Variants in SLC4A10 observed in about 807,000 individuals in gnomAD.
The protein encoded by SLC4A10 is solute carrier family 4 member 10.
Under a neutral mutation model 137.7 loss-of-function variants are expected in SLC4A10, and 42 were observed. The observed-to-expected ratio is 0.30, with a 90% CI of 0.24 to 0.39. SLC4A10 has a LOEUF of 0.39. Among genes scored for constraint, SLC4A10 ranks in the 10% least tolerant of loss-of-function variants. The pLI is 1.00. For missense variants in SLC4A10, 925 were observed against 1,355.0 expected (o/e 0.68, Z 4.98); for synonymous variants, 474 against 464.1 (o/e 1.02, Z -0.27).
chr2:161,776,892 T>TGTGTGTGTG, intron 2 of SLC4A10, among the ~76,000 whole-genome samples: 4 of 149,534 alleles, frequency 2.7e-5, no homozygotes, highest in African/African-American at 9.9e-5. Flanking sequence ...TGTGTGTGTG[T>TGTGTGTGTG]TTTGATAGTT....
chr2:161,781,692 T>C (rs1421604344), intron 2 of SLC4A10, among the ~76,000 whole-genome samples: 3 of 151,956 alleles, frequency 2.0e-5, no homozygotes, highest in African/African-American at 7.2e-5. Flanking sequence ...AGAAGACTGA[T>C]GTCACCAAAG....
chr2:161,738,155 T>C (rs188316803), intron 1 of SLC4A10, among the ~76,000 whole-genome samples: 28 of 152,282 alleles, frequency 1.8e-4, no homozygotes, highest in African/African-American at 5.5e-4. Context: ...AGAGAACTTA[T>C]TTATGATCCC....
In SLC4A10 at chr2:161,687,960, G is replaced by A. The variant is rs538023363; in HGVS notation, c.48+63394G>A. Among the ~76,000 whole-genome samples the A allele has an allele frequency of 1.8e-3, 271 of 152,104 alleles. 1 individual carries two copies. The highest frequency in any genetic ancestry group is 6.2e-3 in the African/African-American group (259 of 41,458). ...ATCCAGTCTTGGGTATATCTTCATA[G>A]CAATGTAAGAATGGACTAATACAAA... is the stretch of plus-strand genomic sequence containing the variant. On this transcript the variant is annotated intron_variant, in intron 1 of 26. Coordinates refer to ENST00000446997, the MANE Select transcript of SLC4A10 (RefSeq NM_001178015.2).
At chr2:161,671,204 G>T (rs1017361302) in intron 1 of SLC4A10, among the ~76,000 whole-genome samples, 3 of 152,036 alleles carry the variant, frequency 2.0e-5, no homozygotes, top group African/African-American at 4.8e-5. Context: ...GACTTGAGAG[G>T]TTCTCTCCCT....
At chr2:161,697,118 T>C (rs7575038) in intron 1 of SLC4A10, among the ~76,000 whole-genome samples, 139,622 of 152,224 alleles carry the variant, frequency 0.92, 64,116 homozygotes, top group East Asian at 1. Flanking sequence ...TGAGAAGTGT[T>C]TGTTCATATC....
At chr2:161,981,239 C>T (rs892268439) in intron 26 of SLC4A10, among the ~76,000 whole-genome samples, 20 of 152,226 alleles carry the variant, frequency 1.3e-4, no homozygotes, top group African/African-American at 3.4e-4. Flanking sequence ...ACACCTCCCA[C>T]GTTTCAAAGT....
At chr2:161,904,348 G>A (rs1683829581) in intron 13 of SLC4A10, among the ~76,000 whole-genome samples, 170 bp downstream of exon 13, 1 of 152,094 alleles carries the variant, frequency 6.6e-6, no homozygotes, top group South Asian at 2.1e-4. Context: ...CTGGTAATCT[G>A]GGAGTGGAAT....
intron 15 of SLC4A10, among the ~76,000 whole-genome samples, chr2:161,928,471 A>G (rs1275853935): frequency 3.3e-5 from 5 of 151,156 alleles, no homozygotes; most frequent in African/African-American, 1.2e-4. Flanking sequence ...ATGTATACAT[A>G]TGTAACTAAC....
At chr2:161,637,579 G>T (rs2034642754) in intron 1 of SLC4A10, among the ~76,000 whole-genome samples, 1 of 152,114 alleles carries the variant, frequency 6.6e-6, no homozygotes, top group African/African-American at 2.4e-5. Context: ...ACTGTGAATA[G>T]TGTTGGTGTA....
intron 1 of SLC4A10, among the ~76,000 whole-genome samples, chr2:161,665,505 A>T (rs781200001): frequency 1.3e-5 from 2 of 151,586 alleles, no homozygotes; most frequent in African/African-American, 4.8e-5. Context: ...AAAAAACAAG[A>T]TAGGTGAAGT....
At chr2:161,904,535 T>A (rs1683889294) in intron 13 of SLC4A10, among the ~76,000 whole-genome samples, 1 of 152,188 alleles carries the variant, frequency 6.6e-6, no homozygotes, top group Non-Finnish European at 1.5e-5. Context: ...TTAAACCTTT[T>A]GTAAGGCAAC....
At chr2:161,708,418 C>A (rs955099681) in intron 1 of SLC4A10, among the ~76,000 whole-genome samples, 3 of 151,466 alleles carry the variant, frequency 2.0e-5, no homozygotes, top group Non-Finnish European at 4.4e-5. Context: ...TGAAAAAATT[C>A]AACTCTCCTT....
intron 17 of SLC4A10, among the ~76,000 whole-genome samples, 155 bp downstream of exon 17, chr2:161,947,882 G>C (rs541819387): frequency 6.6e-6 from 1 of 152,160 alleles, no homozygotes; most frequent in Non-Finnish European, 1.5e-5. Context: ...AAGAATTTGT[G>C]ATGCAGGTGC....
chr2:161,851,424 T>C (rs1433010860), intron 4 of SLC4A10, among the ~76,000 whole-genome samples: 3 of 152,238 alleles, frequency 2.0e-5, no homozygotes, highest in Non-Finnish European at 2.9e-5. Context: ...TTTAGGATAG[T>C]TAAGTCTTCT....
At chr2:161,778,394 T>A (rs1383791899) in intron 2 of SLC4A10, among the ~76,000 whole-genome samples, 1 of 151,990 alleles carries the variant, frequency 6.6e-6, no homozygotes, top group Non-Finnish European at 1.5e-5. Flanking sequence ...ATGTCTTTGT[T>A]ATTGATTATA....
chr2:161,692,989 G>T (rs1362861332), intron 1 of SLC4A10, among the ~76,000 whole-genome samples: 1 of 151,800 alleles, frequency 6.6e-6, no homozygotes, highest in Non-Finnish European at 1.5e-5. Flanking sequence ...TTTTCAGGTT[G>T]CTTAAATTGA....
In SLC4A10 at chr2:161,983,353, C is replaced by T; in HGVS notation, c.*201C>T. 1 of 948,676 alleles carries T rather than the reference C, an allele frequency of 1.1e-6. No individual in the cohort carries two copies. Among genetic ancestry groups the T allele is most frequent in the Non-Finnish European group, 1.6e-6 (1 of 634,930 alleles). The allele number at this position is 948,676 out of a possible 1,614,324, so 58.8% of individuals were successfully genotyped here. On this transcript the variant is annotated 3_prime_UTR_variant, in exon 27 of 27. Transcript: ENST00000446997. ...ATTCTGTCCCTCAACCCAAATCCAC[C>T]TTCATACTGTAAGTAGTGCAATACT...
intron 1 of SLC4A10, among the ~76,000 whole-genome samples, chr2:161,729,901 C>T (rs1016562877): frequency 2.0e-5 from 3 of 152,094 alleles, no homozygotes; most frequent in Admixed American, 6.6e-5. Context: ...CACTGGTCCT[C>T]TTTTATTTGT....
intron 4 of SLC4A10, among the ~76,000 whole-genome samples, chr2:161,853,595 T>C (rs1422425754): frequency 1.3e-5 from 2 of 152,214 alleles, no homozygotes; most frequent in Non-Finnish European, 2.9e-5. Flanking sequence ...CTATGAGGTA[T>C]TATGGCCCTG....
Sources: allele counts gnomAD v4.1 joint callset (sites outside exome capture counted in the v4.1 genomes callset), GRCh38; gene constraint gnomAD v4.1.1; transcripts MANE v1.5; gene names NCBI Gene and HGNC (gene_info 2026-07-23, HGNC 2026-07-21).